Variants in DCC observed in about 807,000 individuals in gnomAD.
The protein encoded by DCC is netrin receptor DCC.
Under a neutral mutation model 172.5 loss-of-function variants are expected in DCC, and 58 were observed. That is an observed-to-expected ratio of 0.34 (90% CI 0.27 to 0.42). The LOEUF is 0.42. Among genes scored for constraint, DCC ranks in the 10% least tolerant of loss-of-function variants. The pLI is 1.00. For synonymous variants in DCC, 709 were observed against 644.5 expected (o/e 1.10, Z -1.52); for missense variants, 1,740 against 1,791.0 (o/e 0.97, Z 0.51).
intron 2 of DCC, among the ~76,000 whole-genome samples, chr18:52,848,001 A>C (rs772445190): frequency 6.6e-6 from 1 of 152,100 alleles, no homozygotes; most frequent in African/African-American, 2.4e-5. Context: ...AATTACCTGG[A>C]CATAGTAAAA....
chr18:52,601,720 A>T, intron 1 of DCC, among the ~76,000 whole-genome samples: 1 of 152,162 alleles, frequency 6.6e-6, no homozygotes, highest in East Asian at 1.9e-4. Context: ...TAGAATTATC[A>T]TGATGTAAAT....
intron 2 of DCC, among the ~76,000 whole-genome samples, chr18:52,815,159 G>A (rs764242532): frequency 6.0e-4 from 91 of 152,092 alleles, no homozygotes; most frequent in Non-Finnish European, 1.2e-3. Context: ...TAATAATTTT[G>A]GTGAAATATG....
intron 1 of DCC, among the ~76,000 whole-genome samples, chr18:52,459,393 C>T (rs1422004751): frequency 6.6e-6 from 1 of 152,120 alleles, no homozygotes; most frequent in African/African-American, 2.4e-5. Flanking sequence ...TTGTTTCCCT[C>T]TTTGTGTCCA....
At chr18:52,417,692 G>C (rs930702313) in intron 1 of DCC, among the ~76,000 whole-genome samples, 2 of 151,906 alleles carry the variant, frequency 1.3e-5, no homozygotes, top group Non-Finnish European at 2.9e-5. Flanking sequence ...CATTCTTCAG[G>C]TAGTTCTCGA....
chr18:52,873,800 G>T (rs1405312229), intron 2 of DCC, among the ~76,000 whole-genome samples: 1 of 152,154 alleles, frequency 6.6e-6, no homozygotes, highest in Non-Finnish European at 1.5e-5. Flanking sequence ...GTATAGATGA[G>T]GGAAGGAAAG....
chr18:52,529,826 A>C (rs1042183630), intron 1 of DCC, among the ~76,000 whole-genome samples: 3 of 152,216 alleles, frequency 2.0e-5, no homozygotes, highest in African/African-American at 7.2e-5. Context: ...GTGGATATGA[A>C]GATGATAATG....
chr18:52,502,431 G>A (rs1041941247), intron 1 of DCC, among the ~76,000 whole-genome samples: 4 of 151,948 alleles, frequency 2.6e-5, no homozygotes, highest in Admixed American at 6.6e-5. Flanking sequence ...TTTGATTCTC[G>A]ACACTATTTA....
At chr18:52,712,105 C>T (rs955954147) in intron 1 of DCC, among the ~76,000 whole-genome samples, 1 of 152,068 alleles carries the variant, frequency 6.6e-6, no homozygotes, top group Non-Finnish European at 1.5e-5. Flanking sequence ...GGACTACAGG[C>T]ACACACCACC....
chr18:52,831,859 G>A (rs947905228), intron 2 of DCC, among the ~76,000 whole-genome samples: 5 of 152,078 alleles, frequency 3.3e-5, no homozygotes, highest in African/African-American at 1.2e-4. Flanking sequence ...GGTTTACAGT[G>A]GGGTTTAAAG....
At chr18:53,220,261 G>A (rs1194421996) in intron 12 of DCC, among the ~76,000 whole-genome samples, 3 of 151,998 alleles carry the variant, frequency 2.0e-5, no homozygotes, top group Non-Finnish European at 2.9e-5. Flanking sequence ...ATTCAGAAGG[G>A]GTTTCAGTTC....
At chr18:52,723,411 C>A (rs1370291959) in intron 1 of DCC, among the ~76,000 whole-genome samples, 1 of 152,148 alleles carries the variant, frequency 6.6e-6, no homozygotes, top group Admixed American at 6.5e-5. Context: ...ATAATTATTG[C>A]AGATCAGTGA....
rs75896707 is a variant in DCC, at chr18:53,127,726, T to C, written c.1262-29630T>C. 7.9e-4 allele frequency among the ~76,000 whole-genome samples: 121 copies of C among 152,290 alleles called. 4 individuals are homozygous for C. The East Asian group carries it at 0.022, about 28-fold the overall frequency. ...ACTTTGGAAAATGACTTTTAATGTT[T>C]CTGGAATTCTGCCTTTTAGAAGTGG... On this transcript the variant is annotated intron_variant, in intron 7 of 28. Transcript: ENST00000442544.
At chr18:52,893,942 A>G (rs1015283986) in intron 2 of DCC, among the ~76,000 whole-genome samples, 14 of 152,272 alleles carry the variant, frequency 9.2e-5, no homozygotes, top group Admixed American at 4.6e-4. Context: ...TATGAAGGAG[A>G]AAAAACATAA....
At chr18:52,972,528 T>C (rs1410721001) in intron 5 of DCC, among the ~76,000 whole-genome samples, 1 of 152,002 alleles carries the variant, frequency 6.6e-6, no homozygotes, top group Non-Finnish European at 1.5e-5. Context: ...TTTTTTTTTT[T>C]TTTTTACTCT....
At chr18:52,401,518 C>T (rs1402121528) in intron 1 of DCC, among the ~76,000 whole-genome samples, 1 of 151,988 alleles carries the variant, frequency 6.6e-6, no homozygotes, top group African/African-American at 2.4e-5. Flanking sequence ...TTAAGCATTT[C>T]TAGAAATTAC....
chr18:52,781,842 GT>G (rs763336259), intron 2 of DCC, among the ~76,000 whole-genome samples: 99 of 152,018 alleles, frequency 6.5e-4, no homozygotes, highest in Admixed American at 2.2e-3. Flanking sequence ...CTATTTATAT[GT>G]GAGAAGAACA....
chr18:52,474,238 G>GAGAGAGAGAGAGAGAA (rs1989030419), intron 1 of DCC, among the ~76,000 whole-genome samples: 1 of 75,174 alleles, frequency 1.3e-5, no homozygotes, highest in African/African-American at 3.4e-5. Flanking sequence ...GAGAGAGAGA[G>GAGAGAGAGAGAGAGAA]AGAGAAAGAG....
In DCC at chr18:53,315,696, C is replaced by T. The variant is rs556788933; in HGVS notation, c.2054-6351C>T. On this transcript the variant is annotated intron_variant, in intron 13 of 28. Coordinates refer to ENST00000442544, the MANE Select transcript of DCC (RefSeq NM_005215.4). ...GGTATCTCATTGTGGTTTTGATTAG[C>T]ATTTCTCTAATGACCAGTGATGAGC... Among the ~76,000 whole-genome samples the T allele has an allele frequency of 1.3e-4, 20 of 152,262 alleles. No homozygotes were observed. In the South Asian group the frequency reaches 4.2e-3, roughly 32 times the overall value.
chr18:52,452,078 G>C (rs1988323232), intron 1 of DCC, among the ~76,000 whole-genome samples: 1 of 152,118 alleles, frequency 6.6e-6, no homozygotes, highest in African/African-American at 2.4e-5. Context: ...GGAGTGAGTG[G>C]CTTTGGTTAT....
Sources: allele counts gnomAD v4.1 joint callset (sites outside exome capture counted in the v4.1 genomes callset), GRCh38; gene constraint gnomAD v4.1.1; transcripts MANE v1.5; gene names NCBI Gene and HGNC (gene_info 2026-07-23, HGNC 2026-07-21).